KCNMB2: variants seen among roughly 807,000 people sequenced by gnomAD.
KCNMB2 encodes calcium-activated potassium channel subunit beta-2.
Under a neutral mutation model 24.5 loss-of-function variants are expected in KCNMB2, and 9 were observed. That is an observed-to-expected ratio of 0.37 (90% CI 0.22 to 0.64). KCNMB2 has a LOEUF of 0.64. Among genes scored for constraint, KCNMB2 ranks in the 30% least tolerant of loss-of-function variants. The probability of loss-of-function intolerance (pLI) is 0.63; values close to 1 mark genes in which losing one functional copy is unlikely to be tolerated. For missense variants in KCNMB2, 226 were observed against 284.3 expected, an observed-to-expected ratio of 0.79 and a Z score of 1.47; for synonymous variants, 109 against 104.4, an observed-to-expected ratio of 1.04 and a Z score of -0.27.
chr3:178,545,895 C>T (rs1307128985), intron 1 of KCNMB2, among the ~76,000 whole-genome samples: 1 of 152,146 alleles, frequency 6.6e-6, no homozygotes, highest in African/African-American at 2.4e-5. Context: ...GGATTGGTCC[C>T]ATTTCTCCCT....
chr3:178,550,462 A>C (rs1715914577), intron 1 of KCNMB2, among the ~76,000 whole-genome samples: 1 of 150,380 alleles, frequency 6.6e-6, no homozygotes, highest in Non-Finnish European at 1.5e-5. Context: ...CGTCTCAAAA[A>C]AAAAAAAAAA....
chr3:178,818,401 C>G (rs1361650506), intron 2 of KCNMB2, among the ~76,000 whole-genome samples: 1 of 152,116 alleles, frequency 6.6e-6, no homozygotes, highest in Middle Eastern at 3.2e-3. Context: ...CATGCACTAG[C>G]TGTTTTCCCT....
intron 1 of KCNMB2, among the ~76,000 whole-genome samples, chr3:178,722,373 T>G (rs745747544): frequency 6.6e-6 from 1 of 152,190 alleles, no homozygotes; most frequent in East Asian, 1.9e-4. Context: ...CTCACAGCTC[T>G]GGAGGCTGTG....
intron 3 of KCNMB2, among the ~76,000 whole-genome samples, chr3:178,827,140 C>A (rs927640682): frequency 2.0e-5 from 3 of 152,016 alleles, no homozygotes; most frequent in Non-Finnish European, 4.4e-5. Flanking sequence ...CATGTTTTCC[C>A]ATTGCTATGG....
intron 1 of KCNMB2, among the ~76,000 whole-genome samples, chr3:178,767,284 C>G (rs994898591): frequency 1.2e-4 from 18 of 152,016 alleles, no homozygotes; most frequent in Non-Finnish European, 1.5e-5. Context: ...TTGAGTGAAA[C>G]TAGAATGTGG....
At chr3:178,632,353 T>C (rs1427539967) in intron 1 of KCNMB2, among the ~76,000 whole-genome samples, 3 of 152,186 alleles carry the variant, frequency 2.0e-5, no homozygotes, top group African/African-American at 7.2e-5. Flanking sequence ...AAGATATACC[T>C]GACACTGGAT....
At chr3:178,654,639 TAG>T (rs1720254713) in intron 1 of KCNMB2, among the ~76,000 whole-genome samples, 1 of 152,182 alleles carries the variant, frequency 6.6e-6, no homozygotes, top group African/African-American at 2.4e-5. Context: ...TTCCAATACT[TAG>T]ACTTTTTTTA....
chr3:178,736,035 T>C (rs1723305095), intron 1 of KCNMB2, among the ~76,000 whole-genome samples: 1 of 152,184 alleles, frequency 6.6e-6, no homozygotes, highest in Non-Finnish European at 1.5e-5. Flanking sequence ...TCTTTTTTAA[T>C]ACTCATAACA....
At chr3:178,686,724 G>A (rs973650004) in intron 1 of KCNMB2, among the ~76,000 whole-genome samples, 1 of 152,018 alleles carries the variant, frequency 6.6e-6, no homozygotes, top group Non-Finnish European at 1.5e-5. Flanking sequence ...ACAACTTTTA[G>A]TTACTTCATT....
At position 178,759,663 on chromosome 3, in the gene KCNMB2, GAT is replaced by G. The variant is rs200960049; in HGVS notation, c.-67-47665_-67-47664del. ...TATATATATATATATCTCCAAGAGG[GAT>G]ATATATATATATATCCAAGAGGATA... is the stretch of plus-strand genomic sequence containing the variant. On this transcript the variant is annotated intron_variant, in intron 1 of 4. Coordinates refer to ENST00000452583, the MANE Select transcript of KCNMB2 (RefSeq NM_181361.3). 9.0e-4 allele frequency among the ~76,000 whole-genome samples: 63 copies of G among 70,372 alleles called. 4 individuals are homozygous for G. The highest frequency in any genetic ancestry group is 5.0e-3 in the South Asian group (11 of 2,214). The allele number at this position is 70,372 out of a possible 152,430, so 46.2% of individuals were successfully genotyped here.
intron 1 of KCNMB2, among the ~76,000 whole-genome samples, chr3:178,771,469 C>T (rs896621092): frequency 3.9e-5 from 5 of 127,420 alleles, no homozygotes; most frequent in Non-Finnish European, 8.3e-5. Context: ...TTCTTTCTTT[C>T]TTTCTTTTTT....
chr3:178,630,009 G>C (rs1040391407), intron 1 of KCNMB2, among the ~76,000 whole-genome samples: 1 of 152,208 alleles, frequency 6.6e-6, no homozygotes, highest in Non-Finnish European at 1.5e-5. Flanking sequence ...CACAGTTACA[G>C]TCATGCCCAA....
At chr3:178,629,434 G>A (rs1478989676) in intron 1 of KCNMB2, among the ~76,000 whole-genome samples, 2 of 152,134 alleles carry the variant, frequency 1.3e-5, no homozygotes, top group Non-Finnish European at 2.9e-5. Flanking sequence ...CTGAGGCGCT[G>A]GGTAAAGTTC....
chr3:178,806,255 T>C (rs1315063006), intron 1 of KCNMB2, among the ~76,000 whole-genome samples: 1 of 152,228 alleles, frequency 6.6e-6, no homozygotes, highest in African/African-American at 2.4e-5. Context: ...TCTGAAAGCA[T>C]CATTTAGAAC....
At chr3:178,773,295 CAGA>C (rs778343779) in intron 1 of KCNMB2, among the ~76,000 whole-genome samples, 21,688 of 152,150 alleles carry the variant, frequency 0.14, 1,843 homozygotes, top group Admixed American at 0.18. Flanking sequence ...TATTTTCTTG[CAGA>C]AAGTTAACTG....
rs113191810 is a variant in KCNMB2 at position 178,613,922 on chromosome 3, T to C, written c.-68+77211T>C. Among the ~76,000 whole-genome samples the C allele has an allele frequency of 8.5e-5, 13 of 152,056 alleles. 1 individual carries two copies. Among genetic ancestry groups the C allele is most frequent in the African/African-American group, 3.1e-4 (13 of 41,502 alleles). The stretch of plus-strand genomic sequence containing the variant: ...TTGAATAAGCTTTCCACCCCCTCTT[T>C]GAGGACAATAACTCTTAGATTTGCC... On this transcript the variant is annotated intron_variant, in intron 1 of 4. Transcript: ENST00000452583.
At chr3:178,562,777 G>A (rs1460366225) in intron 1 of KCNMB2, among the ~76,000 whole-genome samples, 4 of 152,174 alleles carry the variant, frequency 2.6e-5, no homozygotes, top group Admixed American at 1.3e-4. Context: ...TTGCATCTAG[G>A]TTCAGTTCTG....
chr3:178,565,735 C>G (rs1716495079), intron 1 of KCNMB2, among the ~76,000 whole-genome samples: 1 of 152,164 alleles, frequency 6.6e-6, no homozygotes, highest in Non-Finnish European at 1.5e-5. Context: ...TTTAAATCTT[C>G]AGCATCCCCT....
intron 1 of KCNMB2, among the ~76,000 whole-genome samples, chr3:178,628,037 C>T (rs1380834248): frequency 6.6e-6 from 1 of 152,152 alleles, no homozygotes; most frequent in African/African-American, 2.4e-5. Context: ...AAGAAAATGA[C>T]TTCACTCTAA....
Sources: gnomAD v4.1 joint callset for allele counts (sites outside exome capture counted in the v4.1 genomes callset) on GRCh38, gnomAD v4.1.1 for gene constraint, MANE v1.5 for transcripts, NCBI Gene and HGNC (gene_info 2026-07-23, HGNC 2026-07-21) for gene names.